Variants in DDHD1 observed in about 807,000 individuals in gnomAD.
DDHD1 encodes the protein DDHD domain containing 1.
Under a neutral mutation model 96.4 loss-of-function variants are expected in DDHD1, and 49 were observed. The ratio of observed to expected loss-of-function variants is 0.51; its 90% CI spans 0.40 to 0.64. DDHD1 has a LOEUF of 0.64. Ranked by LOEUF, DDHD1 falls within the 30% of genes least tolerant of loss-of-function variation. DDHD1 has a pLI of 0.00. For missense variants in DDHD1, 1,106 were observed against 1,161.2 expected, an observed-to-expected ratio of 0.95 and a Z score of 0.69; for synonymous variants, 442 against 446.5, an observed-to-expected ratio of 0.99 and a Z score of 0.13.
At chr14:53,074,486 T>C (rs929876956) in intron 4 of DDHD1, among the ~76,000 whole-genome samples, 4 of 151,878 alleles carry the variant, frequency 2.6e-5, no homozygotes, top group Non-Finnish European at 5.9e-5. Flanking sequence ...TTCTAAAATA[T>C]AAGAAAAACA....
intron 6 of DDHD1, among the ~76,000 whole-genome samples, chr14:53,069,004 CTTAT>C (rs1884290869): frequency 6.6e-6 from 1 of 152,160 alleles, no homozygotes; most frequent in African/African-American, 2.4e-5. Context: ...CATTTATTTG[CTTAT>C]TTATAGTCAA....
intron 4 of DDHD1, among the ~76,000 whole-genome samples, chr14:53,081,591 C>T (rs1885474363): frequency 6.6e-6 from 1 of 152,152 alleles, no homozygotes; most frequent in Non-Finnish European, 1.5e-5. Context: ...GCAAGGGATA[C>T]AGTTATACAT....
intron 1 of DDHD1, among the ~76,000 whole-genome samples, chr14:53,105,471 G>A (rs1177255093): frequency 3.3e-5 from 5 of 152,090 alleles, no homozygotes; most frequent in Non-Finnish European, 7.4e-5. Context: ...GGTGTTTGCT[G>A]TGTCATTTGG....
At position 53,153,200 on chromosome 14, in the gene DDHD1, A is replaced by C. The variant is rs866672629; in HGVS notation, c.-102T>G. On this transcript the variant is annotated 5_prime_UTR_variant, in exon 1 of 13. It adds an upstream start codon to the 5' untranslated region. Transcript: ENST00000673822. The stretch of plus-strand genomic sequence containing the variant: ...GCCGCCCTCTCCACCCGAAGTTTCT[A>C]ATCTTTCAAATCCCGACCCGAGCTG... The C allele has an allele frequency of 5.6e-6, 6 of 1,078,426 alleles. No individual in the cohort carries two copies. In the African/African-American group the frequency reaches 8.4e-5, roughly 15 times the overall value. 66.8% of individuals were successfully genotyped at this position (1,078,426 alleles called of 1,614,324 possible).
At chr14:53,141,247 T>C (rs1045480531) in intron 1 of DDHD1, among the ~76,000 whole-genome samples, 1 of 152,202 alleles carries the variant, frequency 6.6e-6, no homozygotes, top group Non-Finnish European at 1.5e-5. Flanking sequence ...AACTACCAAT[T>C]TGCCAGAAGA....
chr14:53,047,322 C>T (rs542480125), intron 12 of DDHD1, among the ~76,000 whole-genome samples: 15 of 152,290 alleles, frequency 9.8e-5, no homozygotes, highest in East Asian at 7.7e-4. Flanking sequence ...TGAAGATTTA[C>T]GGGCCAGGCT....
intron 2 of DDHD1, among the ~76,000 whole-genome samples, chr14:53,097,533 C>G (rs1886977405): frequency 6.6e-6 from 1 of 151,854 alleles, no homozygotes; most frequent in African/African-American, 2.4e-5. Context: ...CCACTTAGAC[C>G]AGGAAACAGT....
chr14:53,039,842 C>A lies in DDHD1; in HGVS notation c.*6926G>T, dbSNP rs539926996. 3 of 152,326 alleles carry A rather than the reference C, an allele frequency of 2.0e-5. No homozygotes were observed. Among genetic ancestry groups the A allele is most frequent in the African/African-American group, 7.2e-5 (3 of 41,524 alleles). 9.4% of individuals were successfully genotyped at this position (152,326 alleles called of 1,614,324 possible). ...CCTATCCCCTTTCTCATAAACAATGCCTCTGAAATGTCTAAGCTGTCAGAC... is the reference window on the plus strand; with the variant it reads ...CCTATCCCCTTTCTCATAAACAATGACTCTGAAATGTCTAAGCTGTCAGAC... On this transcript the variant is annotated 3_prime_UTR_variant, in exon 13 of 13. Transcript: ENST00000673822.
intron 1 of DDHD1, among the ~76,000 whole-genome samples, chr14:53,115,987 T>C (rs1249763861): frequency 6.6e-6 from 1 of 152,104 alleles, no homozygotes; most frequent in Non-Finnish European, 1.5e-5. Context: ...ACCCATCTCA[T>C]GTGCAAAGAC....
Position 53,152,616 on chromosome 14 carries a change from C to T in DDHD1, c.483G>A (p.Thr161=), listed in dbSNP as rs775815222. ...AGCGTACCTCCTCCGGGCCCAGCTC[C>T]GTCACTACCTCATAGCGGTGCCGGG... ...PAARHRYEVV[T]ELGPEEVRWF... Residue 161 remains threonine (T), a synonymous_variant, in exon 1 of 13, where the codon ACG becomes ACA. Transcript: ENST00000673822. 1 of 1,613,656 alleles carries T rather than the reference C, an allele frequency of 6.2e-7. No homozygotes were observed. The highest frequency in any genetic ancestry group is 8.5e-7 in the Non-Finnish European group (1 of 1,179,940).
intron 1 of DDHD1, among the ~76,000 whole-genome samples, chr14:53,138,903 T>G (rs562544952): frequency 1.3e-5 from 2 of 152,102 alleles, no homozygotes; most frequent in African/African-American, 4.8e-5. Context: ...CCCTTCATAG[T>G]GCAGGGTTGG....
At chr14:53,060,767 G>T (rs34355075) in intron 8 of DDHD1, among the ~76,000 whole-genome samples, 7,164 of 152,172 alleles carry the variant, frequency 0.047, 173 homozygotes, top group Middle Eastern at 0.092. Flanking sequence ...AAACAGAATA[G>T]CATCTCTCCT....
chr14:53,061,422 CT>C, intron 7 of DDHD1: 1 of 396,084 alleles, frequency 2.5e-6, no homozygotes, highest in Non-Finnish European at 4.4e-6. Flanking sequence ...ATGATACCTG[CT>C]GTTAACAGCT....
At chr14:53,084,320 C>T (rs1412780509) in intron 4 of DDHD1, among the ~76,000 whole-genome samples, 1 of 152,120 alleles carries the variant, frequency 6.6e-6, no homozygotes, top group Non-Finnish European at 1.5e-5. Context: ...TTATGATTTA[C>T]TAAATCCTGC....
intron 6 of DDHD1, among the ~76,000 whole-genome samples, chr14:53,067,357 C>T (rs1884119258): frequency 6.6e-6 from 1 of 151,958 alleles, no homozygotes; most frequent in South Asian, 2.1e-4. Context: ...TGGAGTTTTG[C>T]CATGTTGGCC....
intron 1 of DDHD1, among the ~76,000 whole-genome samples, chr14:53,131,711 T>C (rs1345922658): frequency 2.0e-5 from 3 of 152,310 alleles, no homozygotes; most frequent in East Asian, 3.9e-4. Context: ...TGATTTACTT[T>C]CTTTCCATCC....
chr14:53,147,346 A>G (rs562842695), intron 1 of DDHD1, among the ~76,000 whole-genome samples: 2 of 152,372 alleles, frequency 1.3e-5, no homozygotes, highest in Admixed American at 1.3e-4. Context: ...AGAAAACAGT[A>G]AAAGAGGAAA....
chr14:53,111,643 CA>C (rs943021942), intron 1 of DDHD1, among the ~76,000 whole-genome samples: 10 of 151,110 alleles, frequency 6.6e-5, no homozygotes, highest in African/African-American at 1.7e-4. Flanking sequence ...TACCCCCCCC[CA>C]AAAAAATACA....
intron 5 of DDHD1, among the ~76,000 whole-genome samples, chr14:53,073,415 G>A (rs897940705): frequency 6.6e-6 from 1 of 151,182 alleles, no homozygotes; most frequent in African/African-American, 2.5e-5. Flanking sequence ...TTAAAGTACT[G>A]ACAAATCAAC....
Sources: allele counts gnomAD v4.1 joint callset (sites outside exome capture counted in the v4.1 genomes callset), GRCh38; gene constraint gnomAD v4.1.1; transcripts MANE v1.5; gene names NCBI Gene and HGNC (gene_info 2026-07-23, HGNC 2026-07-21).